KIF26B: variants seen among roughly 807,000 people sequenced by gnomAD.
The protein encoded by KIF26B is kinesin family member 26B.
Under a neutral mutation model 151.2 loss-of-function variants are expected in KIF26B, and 63 were observed. The observed-to-expected ratio is 0.42, with a 90% CI of 0.34 to 0.51. The LOEUF is 0.51. Among genes scored for constraint, KIF26B ranks in the 20% least tolerant of loss-of-function variants. The pLI is 0.07. For synonymous variants in KIF26B, 1,357 were observed against 1,262.1 expected (o/e 1.08, Z -1.59); for missense variants, 2,813 against 2,913.6 (o/e 0.97, Z 0.79).
At chr1:245,255,190 T>C (rs1416223555) in intron 2 of KIF26B, among the ~76,000 whole-genome samples, 1 of 152,222 alleles carries the variant, frequency 6.6e-6, no homozygotes, top group Admixed American at 6.5e-5. Flanking sequence ...TCACCAGATG[T>C]TGGCTTCTTG....
At position 245,684,285 on chromosome 1, in the gene KIF26B, C is replaced by T. The variant is rs373588212; in HGVS notation, c.2311C>T (p.Arg771Cys). The T allele has an allele frequency of 1.2e-4, 198 of 1,613,828 alleles. No homozygotes were observed. The highest frequency in any genetic ancestry group is 1.5e-4 in the African/African-American group (11 of 74,918). The stretch of plus-strand genomic sequence containing the variant: ...GGAGTCTCTGGGGAACATGAACTGC[C>T]GTACCACCATGATCGCGCACATCTC... ...LRESLGNMNC[R>C]TTMIAHISAA... Residue 771 changes from arginine to cysteine, a missense_variant, in exon 11 of 15, where the codon CGT becomes TGT. Coordinates refer to ENST00000407071, the MANE Select transcript of KIF26B (RefSeq NM_018012.4).
chr1:245,184,830 G>T (rs1330012612), intron 2 of KIF26B, among the ~76,000 whole-genome samples: 1 of 152,196 alleles, frequency 6.6e-6, no homozygotes, highest in Non-Finnish European at 1.5e-5. Flanking sequence ...GGCGAGTGTG[G>T]CTGCCAGGTT....
chr1:245,309,352 G>C (rs1198173922), intron 2 of KIF26B, among the ~76,000 whole-genome samples: 2 of 152,142 alleles, frequency 1.3e-5, no homozygotes, highest in African/African-American at 4.8e-5. Flanking sequence ...TCGGTCGAAG[G>C]CCTGAGTAGA....
chr1:245,581,277 G>C (rs1358359895), intron 5 of KIF26B, among the ~76,000 whole-genome samples: 1 of 152,242 alleles, frequency 6.6e-6, no homozygotes, highest in East Asian at 1.9e-4. Context: ...GTATTCACCA[G>C]GCTCTCTATG....
intron 2 of KIF26B, among the ~76,000 whole-genome samples, chr1:245,190,642 T>G (rs1669088262): frequency 6.7e-6 from 1 of 149,240 alleles, no homozygotes. Flanking sequence ...TTGTTTTGTT[T>G]TTTTTTTTTT....
intron 2 of KIF26B, among the ~76,000 whole-genome samples, chr1:245,282,371 A>C (rs1206451418): frequency 6.6e-6 from 1 of 152,212 alleles, no homozygotes; most frequent in Non-Finnish European, 1.5e-5. Flanking sequence ...TCTCCGGAAA[A>C]GTTTCTCGTA....
intron 4 of KIF26B, among the ~76,000 whole-genome samples, chr1:245,524,971 G>C (rs1307741755): frequency 2.0e-5 from 3 of 152,070 alleles, no homozygotes; most frequent in Non-Finnish European, 4.4e-5. Context: ...TTAGCCACTT[G>C]TTCCGTCTTC....
intron 2 of KIF26B, among the ~76,000 whole-genome samples, chr1:245,315,424 G>C (rs9428357): frequency 0.63 from 95,060 of 151,286 alleles, 30,770 homozygotes; most frequent in African/African-American, 0.78. Flanking sequence ...GACCTTGTCT[G>C]TAAAAGAAAA....
intron 2 of KIF26B, among the ~76,000 whole-genome samples, chr1:245,261,222 C>T (rs1227704644): frequency 2.7e-5 from 4 of 150,040 alleles, no homozygotes; most frequent in Non-Finnish European, 4.5e-5. Flanking sequence ...CTCGGCTCAC[C>T]GCAACCTCCG....
intron 2 of KIF26B, among the ~76,000 whole-genome samples, chr1:245,265,500 G>A (rs12740199): frequency 0.059 from 8,953 of 151,394 alleles, 297 homozygotes; most frequent in Middle Eastern, 0.07. Context: ...GTTTGAAGTA[G>A]ACCAAATACA....
At chr1:245,509,812 G>GC (rs1182171952) in intron 4 of KIF26B, among the ~76,000 whole-genome samples, 1 of 152,142 alleles carries the variant, frequency 6.6e-6, no homozygotes, top group Non-Finnish European at 1.5e-5. Context: ...TGCTACCATG[G>GC]CTGCCCCTCC....
chr1:245,307,118 T>C (rs1270708377), intron 2 of KIF26B, among the ~76,000 whole-genome samples: 1 of 152,236 alleles, frequency 6.6e-6, no homozygotes, highest in Non-Finnish European at 1.5e-5. Flanking sequence ...TTCAAATTAG[T>C]GTCAATTAAC....
At chr1:245,289,656 T>A (rs1280648201) in intron 2 of KIF26B, among the ~76,000 whole-genome samples, 4 of 150,298 alleles carry the variant, frequency 2.7e-5, no homozygotes, top group African/African-American at 9.8e-5. Flanking sequence ...TTTCCTTTTT[T>A]GGGGGTGGAG....
At chr1:245,240,258 G>A (rs944710288) in intron 2 of KIF26B, among the ~76,000 whole-genome samples, 6 of 152,110 alleles carry the variant, frequency 3.9e-5, no homozygotes, top group African/African-American at 1.2e-4. Flanking sequence ...GTCCACTTTC[G>A]CCGCTTCCAT....
At chr1:245,205,238 C>T (rs899158783) in intron 2 of KIF26B, among the ~76,000 whole-genome samples, 1 of 152,040 alleles carries the variant, frequency 6.6e-6, no homozygotes, top group African/African-American at 2.4e-5. Context: ...GGTATGACAT[C>T]GTGTTAAAAA....
At chr1:245,238,463 G>A (rs1385760693) in intron 2 of KIF26B, among the ~76,000 whole-genome samples, 1 of 152,126 alleles carries the variant, frequency 6.6e-6, no homozygotes, top group Non-Finnish European at 1.5e-5. Flanking sequence ...TCCATATCGT[G>A]TTGCAGATCA....
intron 2 of KIF26B, among the ~76,000 whole-genome samples, chr1:245,328,010 G>T (rs1281559489): frequency 2.0e-5 from 3 of 152,208 alleles, no homozygotes; most frequent in African/African-American, 7.2e-5. Flanking sequence ...TCTGCACTTA[G>T]CCAGCATGAA....
intron 3 of KIF26B, among the ~76,000 whole-genome samples, chr1:245,369,640 C>G (rs1370547537): frequency 6.6e-6 from 1 of 152,214 alleles, no homozygotes; most frequent in Non-Finnish European, 1.5e-5. Flanking sequence ...GAGAAATGGA[C>G]TGATTGTGGC....
At chr1:245,310,118 T>C (rs539035978) in intron 2 of KIF26B, among the ~76,000 whole-genome samples, 1 of 148,806 alleles carries the variant, frequency 6.7e-6, no homozygotes, top group East Asian at 1.9e-4. Flanking sequence ...TCTCACTATA[T>C]ATAAATATCT....
Sources: allele counts gnomAD v4.1 joint callset (sites outside exome capture counted in the v4.1 genomes callset), GRCh38; gene constraint gnomAD v4.1.1; transcripts MANE v1.5; gene names NCBI Gene and HGNC (gene_info 2026-07-23, HGNC 2026-07-21).